Variants in MDGA2 observed in about 807,000 individuals in gnomAD.
The protein encoded by MDGA2 is MAM domain containing glycosylphosphatidylinositol anchor 2, also known as MAM domain-containing glycosylphosphatidylinositol anchor protein 2.
A neutral mutation model predicts 117.8 loss-of-function variants in MDGA2; 40 were observed. That is an observed-to-expected ratio of 0.34 (90% CI 0.26 to 0.44). The LOEUF (loss-of-function observed/expected upper bound fraction) is 0.44. Among genes scored for constraint, MDGA2 ranks in the 20% least tolerant of loss-of-function variants. MDGA2 has a pLI of 1.00. For synonymous variants in MDGA2, 452 were observed against 439.0 expected (o/e 1.03, Z -0.37); for missense variants, 1,123 against 1,250.6 (o/e 0.90, Z 1.54).
chr14:46,894,190 A>C (rs936060955), intron 10 of MDGA2, among the ~76,000 whole-genome samples: 10 of 152,042 alleles, frequency 6.6e-5, no homozygotes, highest in African/African-American at 2.2e-4. Context: ...TATTATCTTC[A>C]TTTCCTCAGT....
chr14:47,100,875 C>T (rs963576316), intron 5 of MDGA2, among the ~76,000 whole-genome samples: 21 of 152,114 alleles, frequency 1.4e-4, no homozygotes, highest in African/African-American at 5.1e-4. Flanking sequence ...TGTAAACATT[C>T]TCTCTGTAAG....
chr14:47,200,722 G>A, intron 3 of MDGA2: 1 of 914,364 alleles, frequency 1.1e-6, no homozygotes, highest in African/African-American at 1.6e-5. Context: ...TCTCCTGCAG[G>A]GTGGCTGTCA....
intron 3 of MDGA2, among the ~76,000 whole-genome samples, chr14:47,172,354 T>TCCCTGAA (rs1884190411): frequency 6.6e-6 from 1 of 151,512 alleles, no homozygotes; most frequent in South Asian, 2.1e-4. Context: ...CTCAAGTGGG[T>TCCCTGAA]CCCTGACCCC....
chr14:47,088,651 T>A (rs1175895546), intron 6 of MDGA2, among the ~76,000 whole-genome samples: 1 of 152,194 alleles, frequency 6.6e-6, no homozygotes, highest in African/African-American at 2.4e-5. Context: ...TTAATTCTGA[T>A]TGGCATTCTG....
At chr14:47,213,673 T>C (rs1486721040) in intron 3 of MDGA2, among the ~76,000 whole-genome samples, 2 of 152,222 alleles carry the variant, frequency 1.3e-5, no homozygotes, top group Non-Finnish European at 2.9e-5. Flanking sequence ...TCACTTTTAA[T>C]ATGTAAGAGC....
Position 47,561,149 on chromosome 14 carries a change from TTTTGTTTTG to T in MDGA2, c.280+113359_280+113367del, listed in dbSNP as rs1218732469. On this transcript the variant is annotated intron_variant, in intron 1 of 16. Coordinates refer to ENST00000399232, the MANE Select transcript of MDGA2 (RefSeq NM_001113498.3). ...ATGATACCTCTATCTTTGTTTTTTTTTTTGTTTTGTTTTGTTTTTTTGTTTGTTTGTTTT... is the reference window on the plus strand; with the variant it reads ...ATGATACCTCTATCTTTGTTTTTTTTTTTTGTTTTTTTGTTTGTTTGTTTT... Among the ~76,000 whole-genome samples, 291 of 101,538 alleles carry T rather than the reference TTTTGTTTTG, an allele frequency of 2.9e-3. 11 individuals carry two copies. The highest frequency in any genetic ancestry group is 9.8e-3 in the African/African-American group (282 of 28,682). The allele number at this position is 101,538 out of a possible 152,430, so 66.6% of individuals were successfully genotyped here.
intron 8 of MDGA2, among the ~76,000 whole-genome samples, chr14:46,979,564 A>G (rs572063483): frequency 1.3e-5 from 2 of 152,202 alleles, no homozygotes; most frequent in Admixed American, 1.3e-4. Context: ...TACTCCAGGG[A>G]ACACAAAAAT....
chr14:47,403,553 A>G (rs1256366951), intron 1 of MDGA2, among the ~76,000 whole-genome samples: 2 of 151,970 alleles, frequency 1.3e-5, no homozygotes, highest in Admixed American at 6.6e-5. Flanking sequence ...TACTCTCTCC[A>G]TCTCCACTGC....
intron 1 of MDGA2, among the ~76,000 whole-genome samples, chr14:47,470,361 C>T (rs1025993395): frequency 2.7e-5 from 4 of 150,152 alleles, no homozygotes; most frequent in Non-Finnish European, 4.4e-5. Context: ...TGCGAACATG[C>T]GGTGTTTGGT....
chr14:47,288,053 G>A (rs1217218217), intron 2 of MDGA2, among the ~76,000 whole-genome samples: 1 of 152,106 alleles, frequency 6.6e-6, no homozygotes, highest in East Asian at 1.9e-4. Context: ...GCCTCCAAAC[G>A]GAGAGGGAAT....
Position 47,040,640 on chromosome 14 carries a change from G to A in MDGA2, c.1526-5336C>T, listed in dbSNP as rs180811999. On this transcript the variant is annotated intron_variant, in intron 7 of 16. Coordinates refer to ENST00000399232, the MANE Select transcript of MDGA2 (RefSeq NM_001113498.3). The stretch of plus-strand genomic sequence containing the variant: ...AGCAGTTCTTTTCCATGGTCAGAGT[G>A]TCTGGCTCTTGCTGTCTTCTAGCAC... 9.1e-4 allele frequency among the ~76,000 whole-genome samples: 138 copies of A among 152,242 alleles called. 1 individual carries two copies. The highest frequency in any genetic ancestry group is 3.1e-3 in the African/African-American group (127 of 41,542).
intron 1 of MDGA2, among the ~76,000 whole-genome samples, chr14:47,534,899 T>C (rs1041764051): frequency 6.6e-6 from 1 of 152,206 alleles, no homozygotes; most frequent in African/African-American, 2.4e-5. Context: ...CCTAAATGTC[T>C]CACAGATCCG....
intron 1 of MDGA2, among the ~76,000 whole-genome samples, chr14:47,466,133 AC>A (rs1431990113): frequency 1.3e-5 from 2 of 152,072 alleles, no homozygotes; most frequent in Non-Finnish European, 2.9e-5. Context: ...TCTTATAAGC[AC>A]AAAAAGGGAA....
intron 1 of MDGA2, among the ~76,000 whole-genome samples, chr14:47,537,361 C>T (rs371620107): frequency 4.7e-5 from 7 of 149,796 alleles, no homozygotes; most frequent in Non-Finnish European, 8.9e-5. Flanking sequence ...ATGTAAATGA[C>T]GAGTTAACGG....
rs1259147857 is a variant in MDGA2, at chr14:46,935,679, A to C, written c.2090-15519T>G. 2.6e-5 allele frequency among the ~76,000 whole-genome samples: 4 copies of C among 152,154 alleles called. No individual in the cohort carries two copies. The East Asian group carries it at 5.8e-4, about 22-fold the overall frequency. ...TTCCTTTCTTGCTCCATCTTCCACC[A>C]GTCCATGATAAATGCCCACAAAGCT... On this transcript the variant is annotated intron_variant, in intron 9 of 16. Transcript: ENST00000399232.
At chr14:47,592,396 A>T (rs1379111969) in intron 1 of MDGA2, among the ~76,000 whole-genome samples, 3 of 152,138 alleles carry the variant, frequency 2.0e-5, no homozygotes, top group African/African-American at 7.2e-5. Flanking sequence ...AAACTTTAAA[A>T]TTCATACAGA....
chr14:46,876,928 A>G (rs964847399), intron 12 of MDGA2, among the ~76,000 whole-genome samples: 23 of 151,726 alleles, frequency 1.5e-4, no homozygotes, highest in African/African-American at 5.5e-4. Flanking sequence ...GTAGATACAT[A>G]TCATCTTATA....
chr14:47,247,841 G>C (rs1283043146), intron 2 of MDGA2, among the ~76,000 whole-genome samples: 1 of 150,880 alleles, frequency 6.6e-6, no homozygotes, highest in Non-Finnish European at 1.5e-5. Flanking sequence ...TCCCCTCCCT[G>C]TGTCTATGTG....
At chr14:47,063,817 A>G (rs182689044) in intron 6 of MDGA2, among the ~76,000 whole-genome samples, 2 of 152,126 alleles carry the variant, frequency 1.3e-5, no homozygotes, top group East Asian at 3.9e-4. Flanking sequence ...AATAGTTTTC[A>G]TTACAAAGAT....
Sources: allele counts gnomAD v4.1 joint callset (sites outside exome capture counted in the v4.1 genomes callset), GRCh38; gene constraint gnomAD v4.1.1; transcripts MANE v1.5; gene names NCBI Gene and HGNC (gene_info 2026-07-23, HGNC 2026-07-21).